The following NDST4 variants were observed in gnomAD, a reference collection of about 807,000 sequenced individuals.
NDST4 encodes the protein N-heparan sulfate sulfotransferase 4.
A neutral mutation model predicts 100.8 loss-of-function variants in NDST4; 63 were observed. That is an observed-to-expected ratio of 0.62 (90% CI 0.51 to 0.77). NDST4 has a LOEUF of 0.77. Ranked by LOEUF, NDST4 falls within the 30% of genes least tolerant of loss-of-function variation. The probability of loss-of-function intolerance (pLI) is 0.00; values close to 1 mark genes in which losing one functional copy is unlikely to be tolerated. For synonymous variants in NDST4, 377 were observed against 361.8 expected, an observed-to-expected ratio of 1.04 and a Z score of -0.48; for missense variants, 943 against 1,018.4, an observed-to-expected ratio of 0.93 and a Z score of 1.01.
chr4:114,908,294 T>A (rs1724993617), intron 6 of NDST4, among the ~76,000 whole-genome samples: 1 of 152,174 alleles, frequency 6.6e-6, no homozygotes, highest in African/African-American at 2.4e-5. Flanking sequence ...AAAATGTTAC[T>A]TGTGGCAGGA....
chr4:115,055,037 C>A (rs755665003), intron 2 of NDST4, among the ~76,000 whole-genome samples: 1 of 152,042 alleles, frequency 6.6e-6, no homozygotes, highest in Non-Finnish European at 1.5e-5. Flanking sequence ...ATCACCCGAG[C>A]GCCACATTCT....
chr4:114,870,537 A>C (rs1724125068), intron 7 of NDST4, among the ~76,000 whole-genome samples: 1 of 152,148 alleles, frequency 6.6e-6, no homozygotes. Flanking sequence ...CAAAAATGTT[A>C]AACCAACCAA....
chr4:115,104,268 T>C (rs1729793212), intron 1 of NDST4, among the ~76,000 whole-genome samples: 1 of 152,136 alleles, frequency 6.6e-6, no homozygotes, highest in South Asian at 2.1e-4. Context: ...TAATTTAAAG[T>C]AGCTTATTAT....
At chr4:115,107,547 G>C (rs1444123641) in intron 1 of NDST4, among the ~76,000 whole-genome samples, 2 of 151,984 alleles carry the variant, frequency 1.3e-5, no homozygotes, top group African/African-American at 4.8e-5. Flanking sequence ...GATTTACTGA[G>C]TTTCTGCCTT....
rs1207771971 is a variant in NDST4 at position 114,955,047 on chromosome 4, C to T, written c.1221+15383G>A. 2.0e-5 allele frequency among the ~76,000 whole-genome samples: 3 copies of T among 152,140 alleles called. No individual in the cohort carries two copies. In the East Asian group the frequency reaches 5.8e-4, roughly 29 times the overall value. ...CTGCAGAACCATAAGCCAATTGAAC[C>T]TCTTTTCTTTATAAATTCCCCAGTC... On this transcript the variant is annotated intron_variant, in intron 4 of 13. Coordinates refer to ENST00000264363, the MANE Select transcript of NDST4 (RefSeq NM_022569.3).
intron 6 of NDST4, among the ~76,000 whole-genome samples, chr4:114,916,145 T>C (rs1210363493): frequency 3.3e-5 from 5 of 152,178 alleles, no homozygotes; most frequent in Non-Finnish European, 5.9e-5. Flanking sequence ...AGCAAGGGGC[T>C]GAAGCCACTC....
intron 7 of NDST4, among the ~76,000 whole-genome samples, chr4:114,867,646 TAAA>T (rs761173470): frequency 2.6e-4 from 7 of 26,794 alleles, no homozygotes; most frequent in African/African-American, 5.8e-4. Flanking sequence ...ATGAGAATTA[TAAA>T]AAAAAAAAAA....
chr4:114,860,745 A>G (rs2019195), intron 7 of NDST4, among the ~76,000 whole-genome samples: 15,514 of 152,238 alleles, frequency 0.1, 1,080 homozygotes, highest in African/African-American at 0.18. Context: ...TTTGAATGGC[A>G]TAATTACAGC....
intron 6 of NDST4, among the ~76,000 whole-genome samples, chr4:114,891,107 A>G (rs1424219414): frequency 6.6e-6 from 1 of 152,108 alleles, no homozygotes; most frequent in Non-Finnish European, 1.5e-5. Flanking sequence ...CCATTTGACA[A>G]TGATGACTTT....
chr4:114,928,134 C>A (rs55720244), intron 6 of NDST4, among the ~76,000 whole-genome samples: 46,933 of 152,048 alleles, frequency 0.31, 8,560 homozygotes, highest in Non-Finnish European at 0.43. Context: ...TAACTAACTT[C>A]TTTCCTTGGC....
At chr4:115,023,613 T>C (rs1278239302) in intron 2 of NDST4, among the ~76,000 whole-genome samples, 1 of 151,804 alleles carries the variant, frequency 6.6e-6, no homozygotes, top group Non-Finnish European at 1.5e-5. Context: ...GAATTAAAGA[T>C]GGAATTTTTA....
intron 2 of NDST4, among the ~76,000 whole-genome samples, chr4:114,990,938 C>G (rs1232295150): frequency 2.6e-5 from 4 of 152,016 alleles, no homozygotes; most frequent in Non-Finnish European, 4.4e-5. Flanking sequence ...GAGACTTCAA[C>G]TCTTATTGCT....
intron 2 of NDST4, among the ~76,000 whole-genome samples, chr4:115,061,327 T>A (rs1336652173): frequency 6.6e-6 from 1 of 152,110 alleles, no homozygotes; most frequent in Non-Finnish European, 1.5e-5. Flanking sequence ...TGCATACATA[T>A]GTTCACTGCA....
At chr4:114,942,670 T>A (rs67547664) in intron 4 of NDST4, among the ~76,000 whole-genome samples, 56,571 of 151,802 alleles carry the variant, frequency 0.37, 13,014 homozygotes, top group African/African-American at 0.65. Context: ...TTACAGTGAT[T>A]TTTCTAGTGA....
At chr4:115,059,630 CATCT>C (rs1728776516) in intron 2 of NDST4, among the ~76,000 whole-genome samples, 1 of 151,928 alleles carries the variant, frequency 6.6e-6, no homozygotes, top group Admixed American at 6.6e-5. Flanking sequence ...TCATACAGAC[CATCT>C]ATCTTTTAAC....
chr4:115,108,888 G>C (rs1578527162), intron 1 of NDST4, among the ~76,000 whole-genome samples: 1 of 151,672 alleles, frequency 6.6e-6, no homozygotes, highest in African/African-American at 2.4e-5. Context: ...TGAGTGATTT[G>C]CTTTCCAATT....
chr4:115,035,295 T>A (rs1421861419), intron 2 of NDST4, among the ~76,000 whole-genome samples: 1 of 152,086 alleles, frequency 6.6e-6, no homozygotes, highest in East Asian at 1.9e-4. Flanking sequence ...AATAAAACAA[T>A]AATGCAAGAA....
chr4:114,986,794 A>ATATG (rs1726914603), intron 2 of NDST4, among the ~76,000 whole-genome samples: 1 of 10,390 alleles, frequency 9.6e-5, no homozygotes, highest in African/African-American at 3.4e-4. Flanking sequence ...CCAATTATAC[A>ATATG]TATATATATA....
intron 2 of NDST4, among the ~76,000 whole-genome samples, chr4:115,007,966 T>C (rs6849371): frequency 0.097 from 12,490 of 129,066 alleles, 4,078 homozygotes; most frequent in African/African-American, 0.34. Context: ...ATAAAATTTA[T>C]TTTTAAATCC....
Sources: gnomAD v4.1 joint callset for allele counts (sites outside exome capture counted in the v4.1 genomes callset) on GRCh38, gnomAD v4.1.1 for gene constraint, MANE v1.5 for transcripts, NCBI Gene and HGNC (gene_info 2026-07-23, HGNC 2026-07-21) for gene names.